The following ITFG1 variants were observed in gnomAD, a reference collection of about 807,000 sequenced individuals.
ITFG1 encodes integrin alpha FG-GAP repeat containing 1.
In ITFG1, 34 loss-of-function variants were observed where a neutral mutation model predicts 81.8. The ratio of observed to expected loss-of-function variants is 0.42; its 90% confidence interval spans 0.32 to 0.55. The LOEUF is 0.55. Among genes scored for constraint, ITFG1 ranks in the 20% least tolerant of loss-of-function variants. The pLI, the probability that ITFG1 is intolerant of heterozygous loss-of-function variation, is 0.17. For missense variants in ITFG1, 672 were observed against 755.4 expected (o/e 0.89, Z 1.29); for synonymous variants, 285 against 270.6 (o/e 1.05, Z -0.52).
intron 14 of ITFG1, among the ~76,000 whole-genome samples, chr16:47,185,980 A>G (rs1205686584): frequency 6.6e-6 from 1 of 152,240 alleles, no homozygotes; most frequent in Non-Finnish European, 1.5e-5. Context: ...TACTACAAAC[A>G]TCTCTATGCA....
intron 10 of ITFG1, among the ~76,000 whole-genome samples, chr16:47,310,717 A>G (rs1967244569): frequency 2.0e-5 from 3 of 152,236 alleles, no homozygotes; most frequent in Non-Finnish European, 2.9e-5. Context: ...ATGTAAAATC[A>G]GTATGCCAAG....
intron 5 of ITFG1, among the ~76,000 whole-genome samples, chr16:47,444,630 T>C (rs1275253718): frequency 6.6e-6 from 1 of 152,168 alleles, no homozygotes. Context: ...TAAAATAAGA[T>C]GCTTCACTTT....
intron 8 of ITFG1, among the ~76,000 whole-genome samples, chr16:47,347,423 AC>A (rs1967873539): frequency 6.6e-6 from 1 of 152,240 alleles, no homozygotes; most frequent in Non-Finnish European, 1.5e-5. Flanking sequence ...GGAGGGTCTC[AC>A]GCGCATGGGG....
At chr16:47,256,620 G>A (rs1468891364) in intron 12 of ITFG1, among the ~76,000 whole-genome samples, 1 of 152,088 alleles carries the variant, frequency 6.6e-6, no homozygotes, top group Non-Finnish European at 1.5e-5. Flanking sequence ...CAAAAGAGAG[G>A]ACATGGATAA....
chr16:47,279,727 A>T (rs146225219), intron 10 of ITFG1, among the ~76,000 whole-genome samples: 1 of 152,292 alleles, frequency 6.6e-6, no homozygotes, highest in African/African-American at 2.4e-5. Flanking sequence ...GAGAGAAATG[A>T]TATTTTTGGA....
chr16:47,169,429 TA>T (rs1261108416), intron 14 of ITFG1, among the ~76,000 whole-genome samples: 11 of 152,298 alleles, frequency 7.2e-5, no homozygotes, highest in Non-Finnish European at 1.2e-4. Context: ...AATATATTCC[TA>T]GGTGTTTTAC....
rs1966167153 is a variant in ITFG1, at chr16:47,258,612, A to C, written c.1330+20T>G. ...GGGGAAGAGAAAGAGAACAAAATTA[A>C]ATGTTAGTACTTTACTCACCAATAA... On this transcript the variant is annotated intron_variant, in intron 12 of 17. Coordinates refer to ENST00000320640, the MANE Select transcript of ITFG1 (RefSeq NM_030790.5). 1 of 1,068,390 alleles carries C rather than the reference A, an allele frequency of 9.4e-7. No individual in the cohort carries two copies. The highest frequency in any genetic ancestry group is 1.3e-5 in the South Asian group (1 of 75,412). 66.2% of individuals were successfully genotyped at this position (1,068,390 alleles called of 1,614,324 possible).
intron 13 of ITFG1, among the ~76,000 whole-genome samples, chr16:47,219,411 A>ATTATTT (rs1965664171): frequency 6.6e-6 from 1 of 152,154 alleles, no homozygotes; most frequent in African/African-American, 2.4e-5. Context: ...TAGAGAATAC[A>ATTATTT]TTATTTTTCA....
intron 5 of ITFG1, among the ~76,000 whole-genome samples, chr16:47,432,552 C>T (rs1190196595): frequency 1.3e-5 from 2 of 152,148 alleles, no homozygotes; most frequent in South Asian, 2.1e-4. Context: ...CACACTTTAA[C>T]CTAAATAAGA....
Position 47,369,325 on chromosome 16 carries a change from T to C in ITFG1, c.721-3456A>G, listed in dbSNP as rs141411093. 7.2e-5 allele frequency among the ~76,000 whole-genome samples: 11 copies of C among 152,270 alleles called. No homozygotes were observed. In the East Asian group the frequency reaches 1.9e-3, roughly 27 times the overall value. On this transcript the variant is annotated intron_variant, in intron 7 of 17. Coordinates refer to ENST00000320640, the MANE Select transcript of ITFG1 (RefSeq NM_030790.5). The stretch of plus-strand genomic sequence containing the variant: ...GTTCCAGTCCTTTTTCACTGAAAAG[T>C]TATGTCACTTTGGGACAGCCATTCA...
intron 6 of ITFG1, among the ~76,000 whole-genome samples, chr16:47,427,852 G>T (rs1022762532): frequency 1.3e-5 from 2 of 152,238 alleles, no homozygotes; most frequent in Admixed American, 6.5e-5. Context: ...AATTGTTGTT[G>T]ATTGGGTGTG....
chr16:47,379,540 T>C (rs1596944195), intron 6 of ITFG1, among the ~76,000 whole-genome samples: 2 of 151,884 alleles, frequency 1.3e-5, no homozygotes. Context: ...AGACAAAAAT[T>C]AGCCAGGCGT....
chr16:47,415,039 T>C (rs946999435), intron 6 of ITFG1, among the ~76,000 whole-genome samples: 3 of 152,198 alleles, frequency 2.0e-5, no homozygotes, highest in Non-Finnish European at 4.4e-5. Flanking sequence ...TACACTGTTG[T>C]CTAAAATCAA....
chr16:47,367,757 G>C (rs1005009945), intron 7 of ITFG1, among the ~76,000 whole-genome samples: 5 of 152,124 alleles, frequency 3.3e-5, no homozygotes, highest in South Asian at 2.1e-4. Context: ...GCAGAAACAT[G>C]TTTCCCCTCC....
At chr16:47,384,221 A>C (rs1322504550) in intron 6 of ITFG1, among the ~76,000 whole-genome samples, 1 of 152,244 alleles carries the variant, frequency 6.6e-6, no homozygotes, top group African/African-American at 2.4e-5. Context: ...CTGCTACCTC[A>C]GACTGAACTG....
intron 6 of ITFG1, among the ~76,000 whole-genome samples, chr16:47,410,058 G>A (rs546488343): frequency 2.0e-5 from 3 of 152,276 alleles, no homozygotes; most frequent in African/African-American, 7.2e-5. Flanking sequence ...AGGATCGTTT[G>A]AGCTTAGGAG....
intron 12 of ITFG1, 35 bp downstream of exon 12, chr16:47,258,595 GAA>G: frequency 1.0e-6 from 1 of 953,894 alleles, no homozygotes; most frequent in Non-Finnish European, 1.7e-6. Context: ...GAGGGGAAGA[GAA>G]AGAGAACAAA....
intron 14 of ITFG1, among the ~76,000 whole-genome samples, chr16:47,194,310 G>A (rs1965329573): frequency 6.6e-6 from 1 of 152,036 alleles, no homozygotes; most frequent in Admixed American, 6.5e-5. Flanking sequence ...TATATGTCTG[G>A]CTCCTAATAT....
chr16:47,273,805 T>TATTC (rs895044333), intron 10 of ITFG1, among the ~76,000 whole-genome samples: 2 of 152,138 alleles, frequency 1.3e-5, no homozygotes, highest in African/African-American at 4.8e-5. Flanking sequence ...TTTATTTATT[T>TATTC]ATTTATTTAT....
Sources: gnomAD v4.1 joint callset for allele counts (sites outside exome capture counted in the v4.1 genomes callset) on GRCh38, gnomAD v4.1.1 for gene constraint, MANE v1.5 for transcripts, NCBI Gene and HGNC (gene_info 2026-07-23, HGNC 2026-07-21) for gene names.